Variants in PCNX1 observed in about 807,000 individuals in gnomAD.
PCNX1 encodes the protein pecanex 1.
Under a neutral mutation model 242.2 loss-of-function variants are expected in PCNX1, and 78 were observed. That is an observed-to-expected ratio of 0.32 (90% CI 0.27 to 0.39). The LOEUF (loss-of-function observed/expected upper bound fraction) is 0.39. Among genes scored for constraint, PCNX1 ranks in the 10% least tolerant of loss-of-function variants. The probability of loss-of-function intolerance (pLI) is 1.00; values close to 1 mark genes in which losing one functional copy is unlikely to be tolerated. For synonymous variants in PCNX1, 1,024 were observed against 1,032.9 expected (o/e 0.99, Z 0.17); for missense variants, 2,581 against 2,856.5 (o/e 0.90, Z 2.20).
intron 3 of PCNX1, among the ~76,000 whole-genome samples, chr14:70,963,107 CTTG>C (rs1444883322): frequency 1.3e-5 from 2 of 152,168 alleles, no homozygotes; most frequent in Admixed American, 6.5e-5. Context: ...CTCCAGTCTT[CTTG>C]TTATCATATG....
At position 70,976,967 on chromosome 14, in the gene PCNX1, T is replaced by C; in HGVS notation, c.630T>C (p.Phe210=). The C allele has an allele frequency of 6.2e-7, 1 of 1,613,202 alleles. No homozygotes were observed. Among genetic ancestry groups the C allele is most frequent in the Non-Finnish European group, 8.5e-7 (1 of 1,179,334 alleles). ...EQDLAADRKL[F]RLVSNDSFIS... ...ATTTGGCAGCTGATCGGAAGCTCTT[T>C]CGTCTTGTCTCCAATGACTCCTTCA... The change falls in exon 6 of 36, where the codon TTT becomes TTC. Residue 210 remains phenylalanine, a synonymous_variant. Coordinates refer to ENST00000304743, the MANE Select transcript of PCNX1 (RefSeq NM_014982.3).
chr14:71,019,735 C>T (rs377322166), intron 12 of PCNX1, among the ~76,000 whole-genome samples: 1 of 151,854 alleles, frequency 6.6e-6, no homozygotes, highest in East Asian at 1.9e-4. Flanking sequence ...TAAGAACTTG[C>T]ATTCTTTTTT....
At chr14:70,938,351 A>C (rs1467137425) in intron 1 of PCNX1, among the ~76,000 whole-genome samples, 1 of 152,148 alleles carries the variant, frequency 6.6e-6, no homozygotes, top group African/African-American at 2.4e-5. Flanking sequence ...AGTGTTGTTG[A>C]ATTTTGTCAA....
chr14:71,057,626 G>A lies in PCNX1; in HGVS notation c.4754G>A (p.Cys1585Tyr), dbSNP rs745836148. Residue 1585 changes from cysteine (C) to tyrosine (Y), a missense_variant, in exon 26 of 36, where the codon TGT becomes TAT. Physicochemically the swap from Cys to Tyr is radical, Grantham distance 194. Around this residue, in one of 9 missense-constraint regions of PCNX1, gnomAD observed 54 missense variants for 45.3 expected, o/e 1.19. Coordinates refer to ENST00000304743, the MANE Select transcript of PCNX1 (RefSeq NM_014982.3). ...GRWGNYSTGDCFILASDYLNA... is the reference protein window; with the variant it reads ...GRWGNYSTGDYFILASDYLNA... The stretch of plus-strand genomic sequence containing the variant: ...TGGGGAAACTACAGTACAGGGGACT[G>A]TTTCATCCTTGCCTCTGACTATCTC... 1 of 1,613,866 alleles carries A rather than the reference G, an allele frequency of 6.2e-7. No individual in the cohort carries two copies. The highest frequency in any genetic ancestry group is 8.5e-7 in the Non-Finnish European group (1 of 1,179,762).
At chr14:71,010,592 A>G (rs925353897) in intron 9 of PCNX1, among the ~76,000 whole-genome samples, 1 of 152,074 alleles carries the variant, frequency 6.6e-6, no homozygotes, top group African/African-American at 2.4e-5. Context: ...TATAACATCA[A>G]TTATATTTTT....
chr14:71,102,340 C>T, intron 31 of PCNX1, 120 bp downstream of exon 31: 1 of 651,432 alleles, frequency 1.5e-6, no homozygotes, highest in East Asian at 2.7e-5. Context: ...GTGGCATGAT[C>T]ATGGGCTTAC....
chr14:71,000,420 TAG>T (rs1401280167), intron 8 of PCNX1, among the ~76,000 whole-genome samples: 6 of 152,162 alleles, frequency 3.9e-5, no homozygotes, highest in Admixed American at 2.6e-4. Flanking sequence ...CTTAAAAAAA[TAG>T]AGTTAGGATC....
In PCNX1 at chr14:70,943,237, G is replaced by A. The variant is rs554908039; in HGVS notation, c.154-3678G>A. ...CTTTGGAACTGGGTAACAGGCAGAGGTTGGAACAGTTTGGAGGGCTCAGAA... is the reference window on the plus strand; with the variant it reads ...CTTTGGAACTGGGTAACAGGCAGAGATTGGAACAGTTTGGAGGGCTCAGAA... On this transcript the variant is annotated intron_variant, in intron 1 of 35. Transcript: ENST00000304743. Among the ~76,000 whole-genome samples the A allele has an allele frequency of 5.9e-5, 9 of 152,312 alleles. No individual in the cohort carries two copies. In the South Asian group the frequency reaches 1.7e-3, roughly 28 times the overall value.
intron 23 of PCNX1, 138 bp from the exon 24 acceptor site, chr14:71,051,745 T>A: frequency 2.6e-6 from 2 of 763,180 alleles, no homozygotes. Context: ...CCCAGTGATA[T>A]ACCTTCTTTT....
chr14:71,109,156 G>T lies in PCNX1; in HGVS notation c.6744+110G>T, dbSNP rs2062701530. 6.0e-6 allele frequency: 6 copies of T among 1,003,746 alleles called. No homozygotes were observed. The highest frequency in any genetic ancestry group is 8.6e-6 in the Non-Finnish European group (6 of 694,146). 62.2% of individuals were successfully genotyped at this position (1,003,746 alleles called of 1,614,324 possible). On this transcript the variant is annotated intron_variant, in intron 34 of 35. Transcript: ENST00000304743. ...AATACACACCTTATCTTAGTCTCAG[G>T]ACTAGAATATTTTTGAATGTTGGGG... is the stretch of plus-strand genomic sequence containing the variant.
At chr14:71,061,594 T>C (rs2061327642) in intron 26 of PCNX1, among the ~76,000 whole-genome samples, 1 of 152,326 alleles carries the variant, frequency 6.6e-6, no homozygotes, top group Non-Finnish European at 1.5e-5. Flanking sequence ...GAAAAGACAC[T>C]GATGCAATTC....
chr14:71,050,711 C>T lies in PCNX1; in HGVS notation c.4398C>T (p.Ile1466=). ...FVYTYIAPWQ[I]TWGSAFHAFA... ...ATACCTATATTGCCCCATGGCAGAT[C>T]ACATGGGGTTCTGCTTTCCATGCTT... The change falls in exon 23 of 36, where the codon ATC becomes ATT. Residue 1466 remains isoleucine, a synonymous_variant. Coordinates refer to ENST00000304743, the MANE Select transcript of PCNX1 (RefSeq NM_014982.3). The T allele has an allele frequency of 6.2e-7, 1 of 1,612,480 alleles. No homozygotes were observed. The highest frequency in any genetic ancestry group is 8.5e-7 in the Non-Finnish European group (1 of 1,178,870).
chr14:71,029,540 A>C (rs1406600272), intron 16 of PCNX1, among the ~76,000 whole-genome samples: 2 of 152,226 alleles, frequency 1.3e-5, no homozygotes, highest in Non-Finnish European at 2.9e-5. Context: ...GCTATGATTA[A>C]CAAGTCAGCC....
At position 70,940,283 on chromosome 14, in the gene PCNX1, A is replaced by T. The variant is rs377670793; in HGVS notation, c.154-6632A>T. ...TGGTTGCTACTGGTTGTTCCTTTCC[A>T]TGTTTAGTGCTTCCTTCAGGAGCTC... On this transcript the variant is annotated intron_variant, in intron 1 of 35. Coordinates refer to ENST00000304743, the MANE Select transcript of PCNX1 (RefSeq NM_014982.3). Among the ~76,000 whole-genome samples the T allele has an allele frequency of 1.8e-4, 28 of 152,140 alleles. No individual in the cohort carries two copies. The South Asian group carries it at 2.5e-3, about 14-fold the overall frequency.
At chr14:70,921,623 T>A (rs989609395) in intron 1 of PCNX1, among the ~76,000 whole-genome samples, 1 of 152,208 alleles carries the variant, frequency 6.6e-6, no homozygotes, top group African/African-American at 2.4e-5. Flanking sequence ...GATGTGTTAT[T>A]GAAAAATATA....
At chr14:70,979,878 TA>T (rs1472711868) in intron 6 of PCNX1, among the ~76,000 whole-genome samples, 1 of 151,998 alleles carries the variant, frequency 6.6e-6, no homozygotes, top group Non-Finnish European at 1.5e-5. Context: ...TATTGAGAAC[TA>T]ATTATATCTG....
rs35702999 is a variant in PCNX1 at position 70,977,099 on chromosome 14, T to G, written c.762T>G (p.Ser254=). 19,171 of 1,614,182 alleles carry G rather than the reference T, an allele frequency of 0.012. 158 individuals carry two copies. Among genetic ancestry groups the G allele is most frequent in the East Asian group, 0.013 (595 of 44,876 alleles). ...ACCACCACCACCATGTTGATCAGTC[T>G]CTGTCCAGCGCCTGTGACACAGAAG... ...SHNHHHHVDQ[S]LSSACDTEVA... Residue 254 remains serine, a synonymous_variant, in exon 6 of 36, where the codon TCT becomes TCG. Transcript: ENST00000304743.
chr14:71,088,729 A>G (rs891482785), intron 29 of PCNX1, among the ~76,000 whole-genome samples: 4 of 151,972 alleles, frequency 2.6e-5, no homozygotes, highest in Non-Finnish European at 4.4e-5. Flanking sequence ...GTTTACATCT[A>G]TTTTTCTAAT....
intron 26 of PCNX1, among the ~76,000 whole-genome samples, chr14:71,068,418 ATATGTATATGTATATATG>A (rs1269175444): frequency 2.7e-5 from 4 of 148,994 alleles, no homozygotes; most frequent in Middle Eastern, 3.6e-3. Flanking sequence ...ATATGTATTT[ATATGTATATGTATATATG>A]TATGTATATG....
Sources: gnomAD v4.1 joint callset for allele counts (sites outside exome capture counted in the v4.1 genomes callset) on GRCh38, gnomAD v4.1.1 for gene constraint, gnomAD v4.1.1 regional missense constraint, MANE v1.5 for transcripts, NCBI Gene and HGNC (gene_info 2026-07-23, HGNC 2026-07-21) for gene names.